The following UBE2G1 variants were observed in gnomAD, a reference collection of about 807,000 sequenced individuals.
The protein encoded by UBE2G1 is ubiquitin conjugating enzyme E2 G1.
In UBE2G1, 5 loss-of-function variants were observed where a neutral mutation model predicts 22.7. The ratio of observed to expected loss-of-function variants is 0.22; its 90% CI spans 0.12 to 0.46. The LOEUF is 0.46. Among genes scored for constraint, UBE2G1 ranks in the 20% least tolerant of loss-of-function variants. The pLI, the probability that UBE2G1 is intolerant of heterozygous loss-of-function variation, is 0.99. For missense variants in UBE2G1, 88 were observed against 203.9 expected, an observed-to-expected ratio of 0.43 and a Z score of 3.46; for synonymous variants, 74 against 67.5, an observed-to-expected ratio of 1.10 and a Z score of -0.47.
intron 1 of UBE2G1, among the ~76,000 whole-genome samples, chr17:4,357,165 T>C (rs1416089028): frequency 6.6e-6 from 1 of 151,884 alleles, no homozygotes; most frequent in Non-Finnish European, 1.5e-5. Context: ...AAGTTGTAAA[T>C]TTTGTGTTGT....
rs563666766 is a variant in UBE2G1, at chr17:4,352,038, G to A, written c.46+14233C>T. Among the ~76,000 whole-genome samples the A allele has an allele frequency of 1.1e-3, 167 of 152,220 alleles. 1 individual carries two copies. Among genetic ancestry groups the A allele is most frequent in the Admixed American group, 2.0e-3 (30 of 15,278 alleles). ...TCCCAGCACTTCGAAAGGCTGAGGC[G>A]GGTGAGGTGAGGAGTTAGAGACCAG... On this transcript the variant is annotated intron_variant, in intron 1 of 5. Transcript: ENST00000396981.
intron 1 of UBE2G1, among the ~76,000 whole-genome samples, chr17:4,346,786 C>T (rs567148564): frequency 4.6e-5 from 7 of 151,958 alleles, no homozygotes; most frequent in African/African-American, 1.2e-4. Flanking sequence ...GAAACTTAAA[C>T]TCTGTGATTC....
chr17:4,340,655 G>C (rs1439880918), intron 1 of UBE2G1, among the ~76,000 whole-genome samples: 2 of 152,164 alleles, frequency 1.3e-5, no homozygotes, highest in Admixed American at 1.3e-4. Flanking sequence ...TAAGTTTCCA[G>C]AGGCCTCCCC....
chr17:4,341,619 C>T (rs895528730), intron 1 of UBE2G1, among the ~76,000 whole-genome samples: 7 of 152,140 alleles, frequency 4.6e-5, no homozygotes, highest in Non-Finnish European at 8.8e-5. Context: ...ATGAAGCCCA[C>T]AAGCCCTCCA....
chr17:4,299,591 T>TG (rs1181828298), intron 2 of UBE2G1, among the ~76,000 whole-genome samples: 1 of 152,200 alleles, frequency 6.6e-6, no homozygotes, highest in African/African-American at 2.4e-5. Context: ...ATCCTCATCA[T>TG]GAAAAACTGA....
chr17:4,293,458 G>A (rs1969068184), intron 3 of UBE2G1, among the ~76,000 whole-genome samples: 1 of 152,092 alleles, frequency 6.6e-6, no homozygotes. Flanking sequence ...CTTTTTGGCT[G>A]TTATGAATAA....
intron 2 of UBE2G1, among the ~76,000 whole-genome samples, chr17:4,297,031 T>C (rs1279345363): frequency 6.6e-6 from 1 of 152,214 alleles, no homozygotes; most frequent in Non-Finnish European, 1.5e-5. Context: ...GCTGGTAAAA[T>C]GAAATCATCT....
chr17:4,285,260 CAT>C (rs1449378666), intron 4 of UBE2G1, among the ~76,000 whole-genome samples: 1 of 151,512 alleles, frequency 6.6e-6, no homozygotes, highest in East Asian at 1.9e-4. Context: ...AAAGACCAAT[CAT>C]AAAGAAAAGA....
rs896671850 is a variant in UBE2G1 at position 4,269,731 on chromosome 17, A to G, written c.*2823T>C. 3.8e-5 allele frequency: 7 copies of G among 186,242 alleles called. No individual in the cohort carries two copies. The highest frequency in any genetic ancestry group is 1.2e-4 in the African/African-American group (5 of 41,594). 11.5% of individuals were successfully genotyped at this position (186,242 alleles called of 1,614,324 possible). ...CTATCCCATACAAGCACAGACTGAA[A>G]TCTATATGCCTCTACGAGAACTTGG... On this transcript the variant is annotated 3_prime_UTR_variant, in exon 6 of 6. Transcript: ENST00000396981.
chr17:4,333,126 A>C (rs908707846), intron 1 of UBE2G1, among the ~76,000 whole-genome samples: 1 of 152,236 alleles, frequency 6.6e-6, no homozygotes, highest in African/African-American at 2.4e-5. Context: ...ACAATTCTTA[A>C]GTTTGGAACA....
At chr17:4,285,906 G>T (rs2143690755) in intron 4 of UBE2G1, among the ~76,000 whole-genome samples, 1 of 151,320 alleles carries the variant, frequency 6.6e-6, no homozygotes, top group South Asian at 2.1e-4. Flanking sequence ...AGCTGAGATT[G>T]CACCACTGCA....
At chr17:4,332,680 G>A (rs12453940) in intron 1 of UBE2G1, among the ~76,000 whole-genome samples, 54,576 of 151,598 alleles carry the variant, frequency 0.36, 10,218 homozygotes, top group African/African-American at 0.46. Context: ...TCCCTCCAGC[G>A]TTCAGGGGCT....
chr17:4,291,750 CT>C (rs1567516282), intron 3 of UBE2G1, among the ~76,000 whole-genome samples: 1 of 152,118 alleles, frequency 6.6e-6, no homozygotes, highest in Non-Finnish European at 1.5e-5. Flanking sequence ...ATTTCATTGC[CT>C]CCTCAGGATG....
chr17:4,356,049 TAAAAAAAAAA>T (rs746982860), intron 1 of UBE2G1, among the ~76,000 whole-genome samples: 1 of 99,086 alleles, frequency 1.0e-5, no homozygotes, highest in East Asian at 3.1e-4. Flanking sequence ...TGTTTCACTT[TAAAAAAAAAA>T]AAAAAAAAAA....
intron 1 of UBE2G1, among the ~76,000 whole-genome samples, chr17:4,315,927 C>A (rs1342733933): frequency 1.1e-4 from 17 of 149,166 alleles, no homozygotes; most frequent in Non-Finnish European, 1.0e-4. Flanking sequence ...CTGCCTCAGC[C>A]TCTCCGAGTA....
At chr17:4,310,837 A>G (rs900397555) in intron 1 of UBE2G1, among the ~76,000 whole-genome samples, 2 of 152,222 alleles carry the variant, frequency 1.3e-5, no homozygotes, top group African/African-American at 2.4e-5. Flanking sequence ...CGAAACAATG[A>G]AGAAAACAAG....
chr17:4,275,067 A>C (rs563683713), intron 5 of UBE2G1, among the ~76,000 whole-genome samples: 2 of 152,162 alleles, frequency 1.3e-5, no homozygotes, highest in Admixed American at 6.5e-5. Flanking sequence ...ACGCCACTGC[A>C]CTCCAGCCTA....
intron 1 of UBE2G1, among the ~76,000 whole-genome samples, chr17:4,331,292 A>G (rs955052758): frequency 3.3e-5 from 5 of 152,238 alleles, no homozygotes; most frequent in Non-Finnish European, 5.9e-5. Flanking sequence ...AAATGTTTTC[A>G]TAAGGAAAAT....
At chr17:4,364,862 G>A (rs1291995978) in intron 1 of UBE2G1, among the ~76,000 whole-genome samples, 1 of 152,232 alleles carries the variant, frequency 6.6e-6, no homozygotes, top group East Asian at 1.9e-4. Context: ...GATTACAGGC[G>A]TGAGCCAGCG....
Sources: allele counts gnomAD v4.1 joint callset (sites outside exome capture counted in the v4.1 genomes callset), GRCh38; gene constraint gnomAD v4.1.1; transcripts MANE v1.5; gene names NCBI Gene and HGNC (gene_info 2026-07-23, HGNC 2026-07-21).